The following PDE1C variants were observed in gnomAD, a reference collection of about 807,000 sequenced individuals.
PDE1C encodes phosphodiesterase 1C, also known as dual specificity calcium/calmodulin-dependent 3',5'-cyclic nucleotide phosphodiesterase 1C.
Under a neutral mutation model 93.1 loss-of-function variants are expected in PDE1C, and 62 were observed. That is an observed-to-expected ratio of 0.67 (90% CI 0.54 to 0.82). PDE1C has a LOEUF of 0.82. PDE1C is among the 40% of genes least tolerant of loss of function. The pLI, the probability that PDE1C is intolerant of heterozygous loss-of-function variation, is 0.00. For synonymous variants in PDE1C, 325 were observed against 310.1 expected (o/e 1.05, Z -0.50); for missense variants, 742 against 884.6 (o/e 0.84, Z 2.04).
At chr7:32,160,668 C>A (rs1032008964) in intron 3 of PDE1C, among the ~76,000 whole-genome samples, 1 of 151,992 alleles carries the variant, frequency 6.6e-6, no homozygotes, top group African/African-American at 2.4e-5. Context: ...ATGGTGAAAC[C>A]CCATCTCTAC....
intron 1 of PDE1C, among the ~76,000 whole-genome samples, chr7:32,360,612 A>C (rs1205320715): frequency 6.6e-6 from 1 of 152,078 alleles, no homozygotes; most frequent in Admixed American, 6.5e-5. Flanking sequence ...ACAGGGCTCC[A>C]CTCTCAAAAG....
intron 3 of PDE1C, among the ~76,000 whole-genome samples, chr7:32,095,513 T>A (rs1326875359): frequency 6.6e-6 from 1 of 152,188 alleles, no homozygotes; most frequent in Non-Finnish European, 1.5e-5. Flanking sequence ...TGCAGAGGTA[T>A]ATGGGTTGGC....
intron 15 of PDE1C, among the ~76,000 whole-genome samples, chr7:31,810,008 T>A (rs1189834618): frequency 6.6e-6 from 1 of 152,130 alleles, no homozygotes; most frequent in Non-Finnish European, 1.5e-5. Flanking sequence ...ATTTACCTAT[T>A]GTCCTTGGCT....
In PDE1C at chr7:32,165,014, T is replaced by G. The variant is rs114153315; in HGVS notation, c.308+4771A>C. 3.3e-3 allele frequency among the ~76,000 whole-genome samples: 498 copies of G among 152,334 alleles called. 4 individuals are homozygous for G. The highest frequency in any genetic ancestry group is 0.011 in the African/African-American group (477 of 41,592). On this transcript the variant is annotated intron_variant, in intron 3 of 18. Coordinates refer to the PDE1C transcript ENST00000396193. ...CCCAAGGTGAGTTCCCAGGAGTGTC[T>G]ATTTTCCAGGTACCAAAGCCTTTTT... is the stretch of plus-strand genomic sequence containing the variant.
chr7:32,070,624 T>C (rs2128726939), upstream of PDE1C: 1 of 1,408,304 alleles, frequency 7.1e-7, no homozygotes, highest in African/African-American at 1.4e-5. Context: ...CCAGCCATGG[T>C]CCCGGGCTAA....
At position 31,823,156 on chromosome 7, in the gene PDE1C, G is replaced by A. The variant is rs926124559; in HGVS notation, c.1499C>T (p.Ser500Phe). The change falls in exon 14 of 18, where the codon TCC becomes TTC. Residue 500 changes from serine to phenylalanine, a missense_variant. Around this residue, in one of 4 missense-constraint regions of PDE1C, gnomAD observed 454 missense variants for 459.4 expected, o/e 0.99. Coordinates refer to ENST00000396191, the MANE Select transcript of PDE1C (RefSeq NM_001191057.4). ...AGCTTTAAAGCTCTTATAGTCAACG[G>A]AGATGACAGAATTGTTGATCGGGGC... is the stretch of plus-strand genomic sequence containing the variant. ...GSAPINNSVI[S>F]VDYKSFKATW... 1.2e-6 allele frequency: 2 copies of A among 1,613,262 alleles called. No homozygotes were observed. Among genetic ancestry groups the A allele is most frequent in the Admixed American group, 1.7e-5 (1 of 59,936 alleles).
intron 3 of PDE1C, among the ~76,000 whole-genome samples, chr7:32,145,725 C>G (rs2128784229): frequency 6.6e-6 from 1 of 152,154 alleles, no homozygotes; most frequent in African/African-American, 2.4e-5. Flanking sequence ...TCATCTACCT[C>G]TATTTATTTT....
chr7:31,620,386 C>CG, the PDE1C span, among the ~76,000 whole-genome samples: 538 of 151,972 alleles, frequency 3.5e-3, 1 homozygote, highest in Non-Finnish European at 6.1e-3. Flanking sequence ...ACACCTCACA[C>CG]GGCCGGGTAC....
intron 1 of PDE1C, among the ~76,000 whole-genome samples, chr7:32,270,825 A>G (rs1460923439): frequency 6.6e-6 from 1 of 152,072 alleles, no homozygotes; most frequent in Non-Finnish European, 1.5e-5. Flanking sequence ...CCAATGCAAA[A>G]TGGACATACA....
chr7:31,659,975 T>A, the PDE1C span, among the ~76,000 whole-genome samples: 5 of 152,178 alleles, frequency 3.3e-5, no homozygotes, highest in African/African-American at 1.2e-4. Context: ...TGGGTGCAGT[T>A]GTCCTCATGT....
At position 32,270,689 on chromosome 7, in the gene PDE1C, A is replaced by G. The variant is rs183094301; in HGVS notation, c.85+27962T>C. 1.9e-3 allele frequency among the ~76,000 whole-genome samples: 289 copies of G among 152,214 alleles called. 3 individuals carry two copies. The highest frequency in any genetic ancestry group is 6.4e-3 in the African/African-American group (266 of 41,542). On this transcript the variant is annotated intron_variant, in intron 1 of 18. Coordinates refer to the PDE1C transcript ENST00000396193. ...GGGGCTGGATGCTGTGACCCTAGAGATCTGGGGATGGGATCTCTTGGGGCA... is the reference window on the plus strand; with the variant it reads ...GGGGCTGGATGCTGTGACCCTAGAGGTCTGGGGATGGGATCTCTTGGGGCA...
chr7:31,864,035 A>T (rs1794985339), intron 7 of PDE1C, among the ~76,000 whole-genome samples: 1 of 152,226 alleles, frequency 6.6e-6, no homozygotes, highest in South Asian at 2.1e-4. Context: ...TACCCAAAGT[A>T]TGTCTATCTT....
chr7:31,658,669 A>G, the PDE1C span: 1 of 186,302 alleles, frequency 5.4e-6, no homozygotes, highest in African/African-American at 2.3e-5. Context: ...AAGCCAAAAT[A>G]TGGACGGCAC....
chr7:31,683,474 T>C, the PDE1C span, among the ~76,000 whole-genome samples: 2 of 152,258 alleles, frequency 1.3e-5, no homozygotes, highest in South Asian at 2.1e-4. Flanking sequence ...TTCTTATAGA[T>C]TAAAGAGTTC....
intron 2 of PDE1C, among the ~76,000 whole-genome samples, chr7:32,030,537 G>A (rs752396643): frequency 6.6e-6 from 1 of 152,046 alleles, no homozygotes; most frequent in African/African-American, 2.4e-5. Flanking sequence ...CTACGTACAT[G>A]TTGATGGGGT....
the PDE1C span, among the ~76,000 whole-genome samples, chr7:31,675,382 T>C: frequency 6.6e-6 from 1 of 152,158 alleles, no homozygotes; most frequent in Non-Finnish European, 1.5e-5. Context: ...CTAATGTAGA[T>C]TTCATCAGAA....
rs561839621 is a variant in PDE1C, at chr7:32,426,684, T to C, written c.310+1138A>G. Among the ~76,000 whole-genome samples, 15 of 152,312 alleles carry C rather than the reference T, an allele frequency of 9.8e-5. No individual in the cohort carries two copies. The South Asian group carries it at 1.4e-3, about 15-fold the overall frequency. On this transcript the variant is annotated intron_variant, in intron 1 of 1. Coordinates refer to the PDE1C transcript ENST00000672256. ...TCTTCCCATTAATACCACAAAGATATGTCTTCTGGATGGAAGAAATAAACA... is the reference window on the plus strand; with the variant it reads ...TCTTCCCATTAATACCACAAAGATACGTCTTCTGGATGGAAGAAATAAACA...
Position 31,753,241 on chromosome 7 carries a change from C to T in PDE1C, c.*143G>A. The T allele has an allele frequency of 1.0e-6, 1 of 1,002,586 alleles. No homozygotes were observed. The highest frequency in any genetic ancestry group is 1.4e-6 in the Non-Finnish European group (1 of 702,542). 62.1% of individuals were successfully genotyped at this position (1,002,586 alleles called of 1,614,324 possible). A position where few individuals can be genotyped will look rare whatever the true frequency, so the allele number is the denominator to read the frequency against. ...AAAGAGGAAAATCACATACAACTTT[C>T]ATTTCACCTTGGTGGAGTCAACCAG... On this transcript the variant is annotated 3_prime_UTR_variant, in exon 18 of 18. Coordinates refer to ENST00000396191, the MANE Select transcript of PDE1C (RefSeq NM_001191057.4).
chr7:31,716,407 C>T, the PDE1C span, among the ~76,000 whole-genome samples: 1 of 152,078 alleles, frequency 6.6e-6, no homozygotes, highest in South Asian at 2.1e-4. Flanking sequence ...CAGCTATTAC[C>T]ATGATTTAGT....
Sources: allele counts gnomAD v4.1 joint callset (sites outside exome capture counted in the v4.1 genomes callset), GRCh38; gene constraint gnomAD v4.1.1; regional missense constraint gnomAD v4.1.1; transcripts MANE v1.5; gene names NCBI Gene and HGNC (gene_info 2026-07-23, HGNC 2026-07-21).